The following IL4R variants were observed in gnomAD, a reference collection of about 807,000 sequenced individuals.
IL4R encodes interleukin 4 receptor.
IL4R carries 17 observed loss-of-function variants against 41.5 expected under a neutral mutation model. That is an observed-to-expected ratio of 0.41 (90% CI 0.28 to 0.61). The LOEUF (loss-of-function observed/expected upper bound fraction) is 0.61. Ranked by LOEUF, IL4R falls within the 20% of genes least tolerant of loss-of-function variation. IL4R has a pLI of 0.31. For missense variants in IL4R, 974 were observed against 1,043.1 expected (o/e 0.93, Z 0.91); for synonymous variants, 402 against 422.9 (o/e 0.95, Z 0.61).
intron 6 of IL4R, among the ~76,000 whole-genome samples, chr16:27,351,829 A>AAAAC (rs376614079): frequency 3.9e-5 from 6 of 152,154 alleles, no homozygotes; most frequent in Non-Finnish European, 4.4e-5. Flanking sequence ...CTCTCTTTAA[A>AAAAC]AAACAAACAA....
In IL4R at chr16:27,335,010, C is replaced by T. The variant is rs150548808; in HGVS notation, c.-19+4812C>T. ...AATTTAAAAAGGGACAGATGTCCCA[C>T]GCTGGCTTGTCCTTTGCACCCCTGG... is the stretch of plus-strand genomic sequence containing the variant. On this transcript the variant is annotated intron_variant, in intron 2 of 10. Transcript: ENST00000395762. 1.2e-3 allele frequency among the ~76,000 whole-genome samples: 187 copies of T among 152,224 alleles called. 1 individual carries two copies. Among genetic ancestry groups the T allele is most frequent in the South Asian group, 7.0e-3 (34 of 4,824 alleles).
chr16:27,361,115 G>A, intron 10 of IL4R: 1 of 1,099,526 alleles, frequency 9.1e-7, no homozygotes, highest in Non-Finnish European at 1.2e-6. Context: ...ATACTTGTCG[G>A]CAAATAGCCA....
intron 8 of IL4R, among the ~76,000 whole-genome samples, chr16:27,356,142 A>C (rs2086072199): frequency 7.3e-6 from 1 of 137,332 alleles, no homozygotes; most frequent in Admixed American, 7.8e-5. Context: ...CCCAGGCTGG[A>C]GTATAGTGGC....
intron 6 of IL4R, among the ~76,000 whole-genome samples, chr16:27,349,307 TA>T (rs1567325978): frequency 1.3e-5 from 2 of 151,516 alleles, no homozygotes; most frequent in African/African-American, 4.8e-5. Flanking sequence ...CACAGCACTA[TA>T]GGCACCAACT....
intron 1 of IL4R, among the ~76,000 whole-genome samples, chr16:27,319,146 A>G (rs756481649): frequency 2.0e-5 from 3 of 152,214 alleles, no homozygotes; most frequent in Non-Finnish European, 2.9e-5. Context: ...GCCCAGAGGC[A>G]TGAATGAGCT....
Position 27,328,287 on chromosome 16 carries a change from G to A in IL4R, c.-151-1779G>A, listed in dbSNP as rs1328977752. Among the ~76,000 whole-genome samples the A allele has an allele frequency of 2.7e-5, 4 of 148,472 alleles. No homozygotes were observed. The South Asian group carries it at 6.4e-4, about 24-fold the overall frequency. ...GAGACAGAACTTTGCTCTATTGCCC[G>A]GGCTGGAGTGCAATGGTGTGATCTC... On this transcript the variant is annotated intron_variant, in intron 1 of 10. Transcript: ENST00000395762.
chr16:27,327,823 A>G (rs9674105), intron 1 of IL4R, among the ~76,000 whole-genome samples: 1 of 152,104 alleles, frequency 6.6e-6, no homozygotes, highest in Non-Finnish European at 1.5e-5. Context: ...ATTGATTAAT[A>G]TATTGTAAGT....
At chr16:27,314,303 T>G (rs1596726981) in intron 1 of IL4R, 1 of 188,002 alleles carries the variant, frequency 5.3e-6, no homozygotes, top group Non-Finnish European at 9.9e-6. Flanking sequence ...CCTGCGGGGG[T>G]GGGGGGCTTG....
chr16:27,319,862 G>A (rs1375767587), intron 1 of IL4R, among the ~76,000 whole-genome samples: 1 of 152,094 alleles, frequency 6.6e-6, no homozygotes, highest in African/African-American at 2.4e-5. Context: ...AGGGATCTGG[G>A]TTGCGTACTT....
At chr16:27,338,975 C>T (rs1395891874) in intron 2 of IL4R, among the ~76,000 whole-genome samples, 1 of 152,074 alleles carries the variant, frequency 6.6e-6, no homozygotes, top group Non-Finnish European at 1.5e-5. Flanking sequence ...CTGCCTCAGC[C>T]TCCAGAGTAG....
At chr16:27,326,855 C>G (rs1469010075) in intron 1 of IL4R, among the ~76,000 whole-genome samples, 1 of 152,134 alleles carries the variant, frequency 6.6e-6, no homozygotes, top group East Asian at 1.9e-4. Context: ...GCCAACCAGG[C>G]AGATCCCGGG....
chr16:27,355,411 C>T (rs1175664959), intron 7 of IL4R: 2 of 291,528 alleles, frequency 6.9e-6, no homozygotes, highest in African/African-American at 4.3e-5. Context: ...CGCAACAGCC[C>T]TGCACGATCA....
chr16:27,361,956 T>C (rs2086305890), intron 10 of IL4R, among the ~76,000 whole-genome samples: 1 of 152,100 alleles, frequency 6.6e-6, no homozygotes, highest in Non-Finnish European at 1.5e-5. Flanking sequence ...CTTGGGATAA[T>C]GGTGTTGCTT....
chr16:27,346,336 T>C lies in IL4R; in HGVS notation c.362-131T>C. The C allele has an allele frequency of 5.6e-6, 4 of 710,542 alleles. No homozygotes were observed. The South Asian group carries it at 6.9e-5, about 12-fold the overall frequency. The allele number at this position is 710,542 out of a possible 1,614,324, so 44.0% of individuals were successfully genotyped here. ...CTATGGCTCTGAATCTGTGTGGTGCTCCAGAAGTATGCTATGGAGGTTTTG... is the reference window on the plus strand; with the variant it reads ...CTATGGCTCTGAATCTGTGTGGTGCCCCAGAAGTATGCTATGGAGGTTTTG... On this transcript the variant is annotated intron_variant, in intron 5 of 10. Transcript: ENST00000395762.
chr16:27,343,142 A>C (rs940623548), intron 4 of IL4R, among the ~76,000 whole-genome samples: 1 of 152,188 alleles, frequency 6.6e-6, no homozygotes, highest in Non-Finnish European at 1.5e-5. Flanking sequence ...GGTGCCCAGG[A>C]CATAATCACG....
At chr16:27,338,587 G>A (rs546456579) in intron 2 of IL4R, among the ~76,000 whole-genome samples, 1 of 152,136 alleles carries the variant, frequency 6.6e-6, no homozygotes, top group South Asian at 2.1e-4. Context: ...AAATTCATAT[G>A]TTGAAACTTC....
Position 27,362,574 on chromosome 16 carries a change from G to T in IL4R, c.1222G>T (p.Glu408Ter). The T allele has an allele frequency of 6.2e-7, 1 of 1,614,224 alleles. No individual in the cohort carries two copies. The highest frequency in any genetic ancestry group is 8.5e-7 in the Non-Finnish European group (1 of 1,180,040). ...GGAGGGCATTGTGGCCCGGCTAACA[G>T]AGAGCCTGTTCCTGGACCTGCTCGG... Reference protein sequence around the residue: ...GREGIVARLTESLFLDLLGEE... With the variant: ...GREGIVARLT Residue 408 changes from glutamate to a stop codon, truncating the protein, a stop_gained, in exon 11 of 11, where the codon GAG becomes TAG. Coordinates refer to ENST00000395762, the MANE Select transcript of IL4R (RefSeq NM_000418.4). LOFTEE classifies it low-confidence loss of function (END_TRUNC).
chr16:27,360,404 T>G (rs2086241254), intron 9 of IL4R, among the ~76,000 whole-genome samples: 1 of 152,128 alleles, frequency 6.6e-6, no homozygotes. Flanking sequence ...GTTTACAGAG[T>G]GGCTCAGTTT....
At chr16:27,343,174 G>C (rs553652441) in intron 4 of IL4R, among the ~76,000 whole-genome samples, 1 of 152,262 alleles carries the variant, frequency 6.6e-6, no homozygotes, top group East Asian at 1.9e-4. Flanking sequence ...CACAGTTACG[G>C]GGCAGACTGG....
Sources: allele counts gnomAD v4.1 joint callset (sites outside exome capture counted in the v4.1 genomes callset), GRCh38; gene constraint gnomAD v4.1.1; transcripts MANE v1.5; gene names NCBI Gene and HGNC (gene_info 2026-07-23, HGNC 2026-07-21).